Variants in MAOA observed in about 807,000 individuals in gnomAD.
The protein encoded by MAOA is monoamine oxidase A.
MAOA carries 6 observed loss-of-function variants against 42.0 expected under a neutral mutation model. The observed-to-expected ratio is 0.14, with a 90% CI of 0.08 to 0.28. The LOEUF (loss-of-function observed/expected upper bound fraction) is 0.28, where lower values mean the gene tolerates loss of function less well. Ranked by LOEUF, MAOA falls within the 10% of genes least tolerant of loss-of-function variation. MAOA has a pLI of 1.00. For missense variants in MAOA, 262 were observed against 422.3 expected, an observed-to-expected ratio of 0.62 and a Z score of 3.33; for synonymous variants, 140 against 154.0, an observed-to-expected ratio of 0.91 and a Z score of 0.67.
intron 10 of MAOA, among the ~76,000 whole-genome samples, chrX:43,739,166 G>A (rs1189395873): frequency 8.9e-6 from 1 of 112,215 alleles, no homozygotes; most frequent in East Asian, 2.8e-4. Flanking sequence ...GAATCAGGCT[G>A]AGAGAGACAG....
At chrX:43,656,180 G>A, upstream of MAOA, 1 of 483,531 alleles carries the variant, frequency 2.1e-6, no homozygotes, top group Non-Finnish European at 3.6e-6. Context: ...CGGAGTATCA[G>A]CAAAAGGGTT....
At chrX:43,712,461 T>G (rs1256447759) in intron 4 of MAOA, among the ~76,000 whole-genome samples, 1 of 111,762 alleles carries the variant, frequency 8.9e-6, no homozygotes, top group African/African-American at 3.3e-5. Context: ...TTATAATAAT[T>G]ACATATAAAT....
At chrX:43,663,995 C>G (rs1328701799) in intron 1 of MAOA, among the ~76,000 whole-genome samples, 1 of 112,085 alleles carries the variant, frequency 8.9e-6, no homozygotes, top group African/African-American at 3.2e-5. Context: ...ATGTTTTTCT[C>G]CTCTGCACCA....
Position 43,693,437 on chromosome X carries a change from G to A in MAOA, c.306+9G>A. 1 of 1,208,803 alleles carries A rather than the reference G, an allele frequency of 8.3e-7. No individual in the cohort carries two copies. ...TCGTTCAATATGTCAAGGTAAGGCT[G>A]ACTTTTCACCCAAGTGACTGATAGG... is the stretch of plus-strand genomic sequence containing the variant. On this transcript the variant is annotated intron_variant, in intron 3 of 14. Coordinates refer to ENST00000338702, the MANE Select transcript of MAOA (RefSeq NM_000240.4).
intron 3 of MAOA, among the ~76,000 whole-genome samples, chrX:43,707,164 G>T (rs1203233065): frequency 9.0e-6 from 1 of 111,601 alleles, no homozygotes; most frequent in Non-Finnish European, 1.9e-5. Context: ...AGAAGGAAAG[G>T]AAAAGGCTAA....
At chrX:43,676,769 ATGTG>A (rs761762083) in intron 1 of MAOA, among the ~76,000 whole-genome samples, 1,618 of 103,266 alleles carry the variant, frequency 0.016, 33 homozygotes, top group African/African-American at 0.052. Context: ...CATACAAAAA[ATGTG>A]TGTGTGTGTG....
At chrX:43,709,389 T>A (rs1477203263) in intron 3 of MAOA, among the ~76,000 whole-genome samples, 1 of 111,146 alleles carries the variant, frequency 9.0e-6, no homozygotes, top group East Asian at 2.8e-4. Context: ...TTTCTTTATG[T>A]TCCCAGACTA....
At position 43,742,038 on chromosome X, in the gene MAOA, A is replaced by G. The variant is rs1463566783; in HGVS notation, c.1253A>G (p.Gln418Arg). The change falls in exon 12 of 15, where the codon CAA becomes CGA. Residue 418 changes from glutamine to arginine, a missense_variant. Transcript: ENST00000338702. ...TAYFPPGIMTQYGRVIRQPVG... is the reference protein window; with the variant it reads ...TAYFPPGIMTRYGRVIRQPVG... ...TACTTCCCTCCTGGGATCATGACTC[A>G]ATATGGAAGGTATTACGCAAGCACT... 3 of 1,211,496 alleles carry G rather than the reference A, an allele frequency of 2.5e-6. No homozygotes were observed. The highest frequency in any genetic ancestry group is 3.0e-5 in the East Asian group (1 of 33,801).
At chrX:43,696,849 A>G (rs550041649) in intron 3 of MAOA, among the ~76,000 whole-genome samples, 1 of 113,138 alleles carries the variant, frequency 8.8e-6, no homozygotes, top group Admixed American at 9.3e-5. Context: ...ACACAATGGT[A>G]ATATTAGACC....
At chrX:43,685,023 A>AC (rs748303335) in intron 2 of MAOA, among the ~76,000 whole-genome samples, 2,898 of 101,739 alleles carry the variant, frequency 0.028, 53 homozygotes, top group Non-Finnish European at 0.044. Context: ...GATTACAGGC[A>AC]CCCCCCCCAC....
chrX:43,706,604 G>A (rs897492136), intron 3 of MAOA, among the ~76,000 whole-genome samples: 1 of 104,071 alleles, frequency 9.6e-6, no homozygotes, highest in African/African-American at 4.1e-5. Context: ...GAGCAATAAA[G>A]TGAGGCCCCA....
intron 3 of MAOA, among the ~76,000 whole-genome samples, chrX:43,706,624 C>CATAAATAA (rs746283353): frequency 0.011 from 1,156 of 104,868 alleles, 18 homozygotes; most frequent in African/African-American, 0.04. Flanking sequence ...ATCTCTACAA[C>CATAAATAA]ATAAATAAAT....
rs1002975524 is a variant in MAOA, at chrX:43,727,320, C to A, written c.504-853C>A. ...TGGCCCAAGGAGATGGGGGTTTTATCTATAAGTCCCTGACTGGGGCTGCTG... is the reference window on the plus strand; with the variant it reads ...TGGCCCAAGGAGATGGGGGTTTTATATATAAGTCCCTGACTGGGGCTGCTG... On this transcript the variant is annotated intron_variant, in intron 5 of 14. Transcript: ENST00000338702. Among the ~76,000 whole-genome samples, 9 of 112,172 alleles carry A rather than the reference C, an allele frequency of 8.0e-5. No individual in the cohort carries two copies. In the Admixed American group the frequency reaches 8.4e-4, roughly 11 times the overall value.
intron 11 of MAOA, among the ~76,000 whole-genome samples, chrX:43,741,116 G>A (rs1248847936): frequency 3.6e-5 from 4 of 111,559 alleles, no homozygotes; most frequent in African/African-American, 1.3e-4. Context: ...ATTTGTTGGT[G>A]AAGGCAAAGT....
intron 11 of MAOA, among the ~76,000 whole-genome samples, chrX:43,741,316 C>T (rs761129068): frequency 3.0e-4 from 33 of 111,299 alleles, no homozygotes; most frequent in African/African-American, 1.1e-3. Flanking sequence ...TGGCTGAGCG[C>T]TCTTTCAGGG....
At chrX:43,668,905 G>A (rs1365975899) in intron 1 of MAOA, among the ~76,000 whole-genome samples, 12 of 111,311 alleles carry the variant, frequency 1.1e-4, no homozygotes, top group African/African-American at 3.6e-4. Context: ...TTTATTTGGA[G>A]GAATTAAGGT....
chrX:43,697,897 A>T (rs904363494), intron 3 of MAOA, among the ~76,000 whole-genome samples: 4 of 112,364 alleles, frequency 3.6e-5, no homozygotes, highest in African/African-American at 1.3e-4. Flanking sequence ...AATAAATTGT[A>T]TACTAAAAGT....
chrX:43,721,914 TCA>T (rs2033793359), intron 5 of MAOA, among the ~76,000 whole-genome samples: 1 of 111,031 alleles, frequency 9.0e-6, no homozygotes, highest in Non-Finnish European at 1.9e-5. Context: ...TGTTCAACTC[TCA>T]CTTATGAGTG....
At chrX:43,723,645 A>G (rs1351613109) in intron 5 of MAOA, among the ~76,000 whole-genome samples, 1 of 111,578 alleles carries the variant, frequency 9.0e-6, no homozygotes, top group African/African-American at 3.3e-5. Flanking sequence ...AGACAGTTTG[A>G]CTTCCTCTCT....
Sources: gnomAD v4.1 joint callset for allele counts (sites outside exome capture counted in the v4.1 genomes callset) on GRCh38, gnomAD v4.1.1 for gene constraint, MANE v1.5 for transcripts, NCBI Gene and HGNC (gene_info 2026-07-23, HGNC 2026-07-21) for gene names.